FXR1: variants seen among roughly 807,000 people sequenced by gnomAD.
FXR1 encodes the protein FMR1 autosomal homolog 1.
A neutral mutation model predicts 84.0 loss-of-function variants in FXR1; 15 were observed. The ratio of observed to expected loss-of-function variants is 0.18; its 90% CI spans 0.12 to 0.27. FXR1 has a LOEUF of 0.27. FXR1 is among the 10% of genes least tolerant of loss of function. The pLI is 1.00. For missense variants in FXR1, 480 were observed against 774.4 expected, an observed-to-expected ratio of 0.62 and a Z score of 4.51; for synonymous variants, 245 against 250.7, an observed-to-expected ratio of 0.98 and a Z score of 0.21.
At chr3:180,936,137 C>A (rs938604837) in intron 3 of FXR1, among the ~76,000 whole-genome samples, 4 of 151,182 alleles carry the variant, frequency 2.6e-5, no homozygotes, top group African/African-American at 9.7e-5. Context: ...GGTGATCTGC[C>A]CACTTTGTCC....
Position 180,943,922 on chromosome 3 carries a change from C to CT in FXR1, c.199-3932dup, listed in dbSNP as rs931725724. ...ACCTTCTTTTGGTTGTTAGGATATT[C>CT]TTTTTTTTTTTGAGATGCAGTTTCG... On this transcript the variant is annotated intron_variant, in intron 3 of 16. Transcript: ENST00000357559. Among the ~76,000 whole-genome samples the CT allele has an allele frequency of 1.6e-3, 236 of 146,996 alleles. 1 individual carries two copies. In the East Asian group the frequency reaches 0.019, roughly 12 times the overall value.
intron 1 of FXR1, chr3:180,914,929 C>G: frequency 1.0e-6 from 1 of 984,796 alleles, no homozygotes; most frequent in Non-Finnish European, 1.2e-6. Context: ...CTTCAGAACT[C>G]TGGAAGAATG....
chr3:180,921,142 G>A (rs1045046646), intron 1 of FXR1, among the ~76,000 whole-genome samples: 5 of 152,034 alleles, frequency 3.3e-5, no homozygotes, highest in African/African-American at 1.2e-4. Context: ...GGCTGAGGCG[G>A]GTGGATCACT....
rs1714303798 is a variant in FXR1 at position 180,977,021 on chromosome 3, G to T, written c.*729G>T. 1 of 151,108 alleles carries T rather than the reference G, an allele frequency of 6.6e-6. No individual in the cohort carries two copies. The highest frequency in any genetic ancestry group is 6.6e-5 in the Admixed American group (1 of 15,172). The allele number at this position is 151,108 out of a possible 1,614,324, so 9.4% of individuals were successfully genotyped here. On this transcript the variant is annotated 3_prime_UTR_variant, in exon 17 of 17. Transcript: ENST00000357559. ...TACTGAAAAGATCAATTTCCAGAAGGTTTATTCTGTATAAACTACATGTTA... is the reference window on the plus strand; with the variant it reads ...TACTGAAAAGATCAATTTCCAGAAGTTTTATTCTGTATAAACTACATGTTA...
At chr3:180,956,394 C>T (rs1047009083) in intron 9 of FXR1, among the ~76,000 whole-genome samples, 4 of 152,102 alleles carry the variant, frequency 2.6e-5, no homozygotes, top group Admixed American at 2.0e-4. Context: ...AAAATATTGA[C>T]GGTCTGTGGT....
chr3:180,951,702 T>C (rs1192943314), intron 8 of FXR1, among the ~76,000 whole-genome samples: 1 of 152,266 alleles, frequency 6.6e-6, no homozygotes, highest in African/African-American at 2.4e-5. Flanking sequence ...TTGAGGTTTC[T>C]TAACCGCTTC....
At chr3:180,975,120 G>A (rs1714066633) in intron 15 of FXR1, among the ~76,000 whole-genome samples, 193 bp from the exon 16 acceptor site, 2 of 152,122 alleles carry the variant, frequency 1.3e-5, no homozygotes, top group African/African-American at 4.8e-5. Flanking sequence ...TCTCAAGCTT[G>A]AAATTTTCTT....
chr3:180,961,299 C>T (rs1054685214), intron 10 of FXR1, among the ~76,000 whole-genome samples, 169 bp from the exon 11 acceptor site: 21 of 122,290 alleles, frequency 1.7e-4, no homozygotes, highest in African/African-American at 5.6e-4. Flanking sequence ...GTGATTGTAA[C>T]ACTGCACTGT....
chr3:180,948,011 T>C (rs1423585881), intron 4 of FXR1, 75 bp downstream of exon 4: 2 of 805,308 alleles, frequency 2.5e-6, no homozygotes, highest in African/African-American at 1.7e-5. Flanking sequence ...GTAAATCTTA[T>C]TTCAACTGTT....
chr3:180,921,281 T>C (rs1718556655), intron 1 of FXR1, among the ~76,000 whole-genome samples: 1 of 150,360 alleles, frequency 6.7e-6, no homozygotes, highest in Non-Finnish European at 1.5e-5. Flanking sequence ...GGCAGGAGAA[T>C]CCCTTGAACC....
Position 180,979,045 on chromosome 3 carries a change from G to A in FXR1, c.*2753G>A, listed in dbSNP as rs1325850071. On this transcript the variant is annotated 3_prime_UTR_variant, in exon 17 of 17. Coordinates refer to ENST00000357559, the MANE Select transcript of FXR1 (RefSeq NM_005087.4). ...GAATTAGAAGCAGCACATCAAACTG[G>A]TGAGTTCACAGAAACTTACCTGAGA... is the stretch of plus-strand genomic sequence containing the variant. 6.6e-6 allele frequency: 1 copy of A among 152,110 alleles called. No homozygotes were observed. The highest frequency in any genetic ancestry group is 1.5e-5 in the Non-Finnish European group (1 of 67,992). The allele number at this position is 152,110 out of a possible 1,614,324, so 9.4% of individuals were successfully genotyped here.
At chr3:180,913,597 A>G (rs1490782510) in intron 1 of FXR1, among the ~76,000 whole-genome samples, 1 of 152,150 alleles carries the variant, frequency 6.6e-6, no homozygotes, top group Non-Finnish European at 1.5e-5. Flanking sequence ...ATCGGGGCTG[A>G]AAAACGTAAG....
chr3:180,946,229 C>T (rs1721682471), intron 3 of FXR1, among the ~76,000 whole-genome samples: 1 of 152,184 alleles, frequency 6.6e-6, no homozygotes, highest in African/African-American at 2.4e-5. Context: ...ACTGTATGAA[C>T]ATTAACAGTT....
intron 1 of FXR1, among the ~76,000 whole-genome samples, chr3:180,913,077 G>A (rs1717425068): frequency 6.6e-6 from 1 of 152,058 alleles, no homozygotes. Context: ...TCTGGGAGGT[G>A]GGGGAGTCGT....
In FXR1 at chr3:180,978,305, T is replaced by C. The variant is rs1257613169; in HGVS notation, c.*2013T>C. ...AAACAAAATCTTAAAAGAGTGAGTA[T>C]AGCTGAACCAATTCTTCATTCTAGC... is the stretch of plus-strand genomic sequence containing the variant. On this transcript the variant is annotated 3_prime_UTR_variant, in exon 17 of 17. Transcript: ENST00000357559. 2.0e-5 allele frequency: 3 copies of C among 152,004 alleles called. No individual in the cohort carries two copies. In the East Asian group the frequency reaches 5.8e-4, roughly 29 times the overall value. The allele number at this position is 152,004 out of a possible 1,614,324, so 9.4% of individuals were successfully genotyped here.
chr3:180,929,280 A>AC (rs1293867344), intron 1 of FXR1, among the ~76,000 whole-genome samples: 6 of 151,438 alleles, frequency 4.0e-5, no homozygotes, highest in African/African-American at 1.2e-4. Context: ...ATTTTAAGAT[A>AC]TTTTTTTTTC....
intron 3 of FXR1, among the ~76,000 whole-genome samples, chr3:180,943,479 T>C (rs1169412000): frequency 6.0e-5 from 8 of 133,254 alleles, no homozygotes; most frequent in African/African-American, 2.0e-4. Flanking sequence ...GTTGGCCAGG[T>C]TGGTCTCAAA....
At chr3:180,923,578 A>G (rs1205298734) in intron 1 of FXR1, among the ~76,000 whole-genome samples, 4 of 151,918 alleles carry the variant, frequency 2.6e-5, no homozygotes, top group African/African-American at 9.7e-5. Context: ...CAGTCCAGAA[A>G]CTTTATTATG....
In FXR1 at chr3:180,935,042, G is replaced by A. The variant is rs966872399; in HGVS notation, c.105-96G>A. 1.7e-5 allele frequency: 10 copies of A among 589,432 alleles called. No individual in the cohort carries two copies. In the African/African-American group the frequency reaches 1.9e-4, roughly 11 times the overall value. The allele number at this position is 589,432 out of a possible 1,614,324, so 36.5% of individuals were successfully genotyped here. A position where few individuals can be genotyped will look rare whatever the true frequency, so the allele number is the denominator to read the frequency against. On this transcript the variant is annotated intron_variant, in intron 2 of 16. Transcript: ENST00000357559. ...TGAATGTTGTTTTCCTTCTCTTTAGGGAAAGCTAAATGATAAACTAACTTG... is the reference window on the plus strand; with the variant it reads ...TGAATGTTGTTTTCCTTCTCTTTAGAGAAAGCTAAATGATAAACTAACTTG...
Sources: gnomAD v4.1 joint callset for allele counts (sites outside exome capture counted in the v4.1 genomes callset) on GRCh38, gnomAD v4.1.1 for gene constraint, MANE v1.5 for transcripts, NCBI Gene and HGNC (gene_info 2026-07-23, HGNC 2026-07-21) for gene names.